SH3BP5: variants seen among roughly 807,000 people sequenced by gnomAD.
SH3BP5 encodes the protein SH3 domain-binding protein 5.
In SH3BP5, 22 loss-of-function variants were observed where a neutral mutation model predicts 43.3. The ratio of observed to expected loss-of-function variants is 0.51; its 90% CI spans 0.36 to 0.73. The LOEUF is 0.73. Ranked by LOEUF, SH3BP5 falls within the 30% of genes least tolerant of loss-of-function variation. The probability of loss-of-function intolerance (pLI) is 0.00; values close to 1 mark genes in which losing one functional copy is unlikely to be tolerated. For synonymous variants in SH3BP5, 255 were observed against 225.8 expected (o/e 1.13, Z -1.16); for missense variants, 529 against 586.9 (o/e 0.90, Z 1.02).
chr3:15,283,342 A>G (rs1005105237), intron 3 of SH3BP5, among the ~76,000 whole-genome samples: 1 of 152,346 alleles, frequency 6.6e-6, no homozygotes, highest in African/African-American at 2.4e-5. Context: ...GGCTGCAGTA[A>G]GCCGAGATTG....
At chr3:15,271,641 G>T (rs1696800751) in intron 3 of SH3BP5, 1 of 151,576 alleles carries the variant, frequency 6.6e-6, no homozygotes. Context: ...TCACGCCATT[G>T]CACTCCAGCC....
At position 15,256,997 on chromosome 3, in the gene SH3BP5, C is replaced by G; in HGVS notation, c.1006G>C (p.Asp336His). 1 of 1,614,230 alleles carries G rather than the reference C, an allele frequency of 6.2e-7. No individual in the cohort carries two copies. The highest frequency in any genetic ancestry group is 2.2e-5 in the East Asian group (1 of 44,892). ...SGPTSPSEMP[D>H]QFPAVVRPGS... is the part of the protein sequence containing the mutation. Reference sequence around the variant, plus strand: ...GGCCTCACAACCGCAGGGAACTGGTCAGGCATCTCAGACGGGCTTGTTGGT... The same window carrying G: ...GGCCTCACAACCGCAGGGAACTGGTGAGGCATCTCAGACGGGCTTGTTGGT... Residue 336 changes from aspartate to histidine, a missense_variant, in exon 8 of 9, where the codon GAC becomes CAC. Coordinates refer to ENST00000383791, the MANE Select transcript of SH3BP5 (RefSeq NM_004844.5).
At chr3:15,286,992 T>C (rs974279315) in intron 3 of SH3BP5, among the ~76,000 whole-genome samples, 18 of 152,300 alleles carry the variant, frequency 1.2e-4, no homozygotes, top group African/African-American at 4.3e-4. Flanking sequence ...GGTTTAGAGG[T>C]TGGGAACACA....
chr3:15,278,940 C>T (rs953069423), intron 3 of SH3BP5, among the ~76,000 whole-genome samples: 11 of 150,374 alleles, frequency 7.3e-5, no homozygotes, highest in South Asian at 4.2e-4. Context: ...GAGGCTGAGG[C>T]GGGCAGATCA....
intron 5 of SH3BP5, chr3:15,260,526 C>T (rs1696396347): frequency 1.3e-5 from 2 of 152,478 alleles, no homozygotes; most frequent in Non-Finnish European, 2.9e-5. Flanking sequence ...CCATGAAGCT[C>T]TCAAGTCCTG....
At chr3:15,336,400 C>T (rs1698701261), upstream of SH3BP5, among the ~76,000 whole-genome samples, 1 of 151,996 alleles carries the variant, frequency 6.6e-6, no homozygotes, top group Non-Finnish European at 1.5e-5. Context: ...AGTGAGTGCT[C>T]CTGTAATAAC....
chr3:15,256,691 C>T (rs1696215413), intron 8 of SH3BP5, 162 bp downstream of exon 8: 2 of 826,830 alleles, frequency 2.4e-6, no homozygotes, highest in Non-Finnish European at 3.7e-6. Context: ...CCCAGAACAG[C>T]ACTTGGAAAC....
chr3:15,273,519 A>G (rs946453751), intron 3 of SH3BP5: 4 of 441,578 alleles, frequency 9.1e-6, no homozygotes, highest in African/African-American at 8.6e-5. Flanking sequence ...GTACAGTGAC[A>G]TAGGATACAT....
chr3:15,310,538 G>A (rs1698028298), intron 2 of SH3BP5, among the ~76,000 whole-genome samples: 1 of 152,130 alleles, frequency 6.6e-6, no homozygotes, highest in South Asian at 2.1e-4. Flanking sequence ...AGGGAGGAGA[G>A]TAAGCTGACT....
At chr3:15,340,659 G>T (rs1698754652) in intron 1 of SH3BP5, among the ~76,000 whole-genome samples, 1 of 152,108 alleles carries the variant, frequency 6.6e-6, no homozygotes, top group South Asian at 2.1e-4. Context: ...GCCGAATTGG[G>T]AGAATCACTT....
chr3:15,340,697 G>C (rs1698755089), intron 1 of SH3BP5, among the ~76,000 whole-genome samples: 1 of 152,056 alleles, frequency 6.6e-6, no homozygotes, highest in Non-Finnish European at 1.5e-5. Context: ...GTTGCAGTAA[G>C]CCAAGATCGC....
chr3:15,268,156 T>G (rs1263701069), intron 4 of SH3BP5, among the ~76,000 whole-genome samples: 2 of 152,104 alleles, frequency 1.3e-5, no homozygotes, highest in Non-Finnish European at 2.9e-5. Flanking sequence ...AAAGCCAAGC[T>G]CAGCCGAGAG....
intron 6 of SH3BP5, 194 bp downstream of exon 6, chr3:15,259,561 TGACTGA>T: frequency 1.5e-6 from 1 of 669,026 alleles, no homozygotes; most frequent in South Asian, 1.7e-5. Flanking sequence ...ACAGAGAAGG[TGACTGA>T]ATGGCAGTTA....
At chr3:15,285,724 G>A (rs559384806) in intron 3 of SH3BP5, among the ~76,000 whole-genome samples, 4 of 152,264 alleles carry the variant, frequency 2.6e-5, no homozygotes, top group East Asian at 1.9e-4. Flanking sequence ...CAGGTGCTCC[G>A]CCAAGCCCTC....
intron 2 of SH3BP5, among the ~76,000 whole-genome samples, chr3:15,323,157 A>C (rs1296559418): frequency 2.0e-5 from 3 of 149,894 alleles, no homozygotes; most frequent in Non-Finnish European, 4.5e-5. Flanking sequence ...TAAATAAATA[A>C]ATAAATAAAG....
chr3:15,273,199 T>G (rs1696867008), intron 3 of SH3BP5: 5 of 985,378 alleles, frequency 5.1e-6, no homozygotes, highest in Non-Finnish European at 6.0e-6. Flanking sequence ...TTTTAGGAAT[T>G]TTTTAGTATT....
intron 3 of SH3BP5, among the ~76,000 whole-genome samples, chr3:15,289,199 C>T (rs1184582182): frequency 3.9e-5 from 6 of 152,336 alleles, no homozygotes; most frequent in South Asian, 2.1e-4. Context: ...ATCCATTCCC[C>T]GCTTCATCCT....
At chr3:15,288,237 G>A (rs987581585) in intron 3 of SH3BP5, among the ~76,000 whole-genome samples, 2 of 152,198 alleles carry the variant, frequency 1.3e-5, no homozygotes, top group African/African-American at 4.8e-5. Flanking sequence ...TAAGTCCACT[G>A]ATTTAAACGT....
At chr3:15,265,559 C>CACACACACACA (rs1285577992) in intron 4 of SH3BP5, among the ~76,000 whole-genome samples, 1 of 142,820 alleles carries the variant, frequency 7.0e-6, no homozygotes, top group African/African-American at 2.6e-5. Flanking sequence ...CACACACACA[C>CACACACACACA]AACCCTCCAG....
Sources: allele counts gnomAD v4.1 joint callset (sites outside exome capture counted in the v4.1 genomes callset), GRCh38; gene constraint gnomAD v4.1.1; transcripts MANE v1.5; gene names NCBI Gene and HGNC (gene_info 2026-07-23, HGNC 2026-07-21).